NCOA7: variants seen among roughly 807,000 people sequenced by gnomAD.
NCOA7 encodes the protein nuclear receptor coactivator 7.
In NCOA7, 45 loss-of-function variants were observed where a neutral mutation model predicts 104.3. That is an observed-to-expected ratio of 0.43 (90% CI 0.34 to 0.55). The LOEUF is 0.55. Ranked by LOEUF, NCOA7 falls within the 20% of genes least tolerant of loss-of-function variation. NCOA7 has a pLI of 0.02. For synonymous variants in NCOA7, 398 were observed against 402.3 expected (o/e 0.99, Z 0.13); for missense variants, 1,041 against 1,119.7 (o/e 0.93, Z 1.00).
At position 125,826,649 on chromosome 6, in the gene NCOA7, A is replaced by G. The variant is rs116176069; in HGVS notation, c.50+11245A>G. ...AGAGAGACCTTATGTGCCTGTGCCT[A>G]TTAAGCCCAGACGGTAGATTGGTAA... On this transcript the variant is annotated intron_variant, in intron 2 of 15. Coordinates refer to ENST00000392477, the MANE Select transcript of NCOA7 (RefSeq NM_181782.5). Among the ~76,000 whole-genome samples, 168 of 152,332 alleles carry G rather than the reference A, an allele frequency of 1.1e-3. 1 individual carries two copies. Among genetic ancestry groups the G allele is most frequent in the African/African-American group, 4.0e-3 (167 of 41,570 alleles).
At chr6:125,896,010 T>A (rs909597689) in intron 10 of NCOA7, among the ~76,000 whole-genome samples, 9 of 147,760 alleles carry the variant, frequency 6.1e-5, no homozygotes, top group African/African-American at 1.5e-4. Context: ...TATATATATA[T>A]AAAATATATA....
intron 2 of NCOA7, among the ~76,000 whole-genome samples, chr6:125,836,019 A>T (rs1304963802): frequency 1.3e-5 from 2 of 152,190 alleles, no homozygotes; most frequent in Non-Finnish European, 2.9e-5. Flanking sequence ...CCTACTTGAG[A>T]TTCTATGATT....
At chr6:125,927,354 T>C (rs1788122523) in intron 13 of NCOA7, among the ~76,000 whole-genome samples, 1 of 152,188 alleles carries the variant, frequency 6.6e-6, no homozygotes, top group African/African-American at 2.4e-5. Context: ...TAACAGAAAT[T>C]TGTCTCCATA....
chr6:125,915,251 T>C, intron 10 of NCOA7, 82 bp from the exon 11 acceptor site: 1 of 1,500,364 alleles, frequency 6.7e-7, no homozygotes, highest in Non-Finnish European at 9.1e-7. Context: ...AGGGAAAAGA[T>C]GGTTTATGTA....
chr6:125,924,180 C>T (rs899491973), intron 13 of NCOA7, among the ~76,000 whole-genome samples: 3 of 152,204 alleles, frequency 2.0e-5, no homozygotes, highest in Non-Finnish European at 1.5e-5. Flanking sequence ...TCTTAGAGCA[C>T]ACATACAGAC....
chr6:125,858,538 G>T (rs963182982), intron 3 of NCOA7, among the ~76,000 whole-genome samples: 1 of 151,894 alleles, frequency 6.6e-6, no homozygotes, highest in Non-Finnish European at 1.5e-5. Flanking sequence ...TTGGGATGCT[G>T]AGGTGAGAGA....
intron 10 of NCOA7, 41 bp from the exon 11 acceptor site, chr6:125,915,292 G>A (rs761701635): frequency 1.7e-5 from 27 of 1,608,208 alleles, no homozygotes; most frequent in Non-Finnish European, 2.3e-5. Flanking sequence ...TGCCAAGAAA[G>A]TGGACATGGT....
At chr6:125,891,836 C>T (rs1285279626) in intron 10 of NCOA7, among the ~76,000 whole-genome samples, 9 of 152,158 alleles carry the variant, frequency 5.9e-5, no homozygotes, top group Non-Finnish European at 1.3e-4. Context: ...CACATTAACC[C>T]AGGCATTAAA....
At chr6:125,860,716 G>A (rs1160111701) in intron 3 of NCOA7, among the ~76,000 whole-genome samples, 1 of 152,142 alleles carries the variant, frequency 6.6e-6, no homozygotes. Flanking sequence ...TTGCTTCTAA[G>A]AATATGGAGA....
chr6:125,921,396 T>G (rs1365454613), intron 12 of NCOA7, among the ~76,000 whole-genome samples: 1 of 150,524 alleles, frequency 6.6e-6, no homozygotes, highest in East Asian at 2.0e-4. Context: ...CGCAACAGAG[T>G]GAGACTCTGT....
At chr6:125,812,054 G>T (rs1347933433) in intron 1 of NCOA7, among the ~76,000 whole-genome samples, 2 of 152,170 alleles carry the variant, frequency 1.3e-5, no homozygotes, top group African/African-American at 4.8e-5. Flanking sequence ...CAGTTTAATG[G>T]AAATAAGGAC....
At chr6:125,823,004 AT>A (rs1295340846) in intron 2 of NCOA7, among the ~76,000 whole-genome samples, 13 of 143,574 alleles carry the variant, frequency 9.1e-5, no homozygotes, top group East Asian at 4.3e-4. Flanking sequence ...GAAAAAAAAA[AT>A]TATATATGGG....
chr6:125,852,896 C>T lies in NCOA7; in HGVS notation c.51-2124C>T, dbSNP rs184895688. Among the ~76,000 whole-genome samples the T allele has an allele frequency of 2.3e-3, 357 of 152,142 alleles. 2 individuals are homozygous for T. Among genetic ancestry groups the T allele is most frequent in the Middle Eastern group, 6.8e-3 (2 of 294 alleles). ...GATTTATTCTTTTTGCTTAGGATTT[C>T]TTTGGCTATTTGGGCTCTTTTTTGG... On this transcript the variant is annotated intron_variant, in intron 2 of 15. Coordinates refer to ENST00000392477, the MANE Select transcript of NCOA7 (RefSeq NM_181782.5).
intron 4 of NCOA7, 192 bp downstream of exon 4, chr6:125,875,160 T>C (rs1022780354): frequency 6.1e-6 from 3 of 489,338 alleles, no homozygotes; most frequent in African/African-American, 3.9e-5. Flanking sequence ...AATAAACCAG[T>C]GAATTGAGAA....
intron 1 of NCOA7, among the ~76,000 whole-genome samples, chr6:125,785,121 T>C (rs2128537456): frequency 6.6e-6 from 1 of 152,248 alleles, no homozygotes; most frequent in Non-Finnish European, 1.5e-5. Context: ...GTGGATCGCC[T>C]GAGGTCAGGA....
chr6:125,822,843 G>C (rs1778308238), intron 2 of NCOA7, among the ~76,000 whole-genome samples: 1 of 151,314 alleles, frequency 6.6e-6, no homozygotes, highest in Non-Finnish European at 1.5e-5. Flanking sequence ...ACTGAAGCAA[G>C]AGAATCACTT....
At chr6:125,919,047 G>T (rs1337749829) in intron 11 of NCOA7, among the ~76,000 whole-genome samples, 1 of 151,832 alleles carries the variant, frequency 6.6e-6, no homozygotes, top group Admixed American at 6.6e-5. Flanking sequence ...AGAAGGAAAA[G>T]AAAAAAAATG....
chr6:125,845,573 A>C (rs1377939151), intron 2 of NCOA7, among the ~76,000 whole-genome samples: 1 of 152,170 alleles, frequency 6.6e-6, no homozygotes. Context: ...CAGGAAGTAG[A>C]GACCATCCTG....
chr6:125,839,966 A>G (rs1017820948), intron 2 of NCOA7, among the ~76,000 whole-genome samples: 8 of 146,092 alleles, frequency 5.5e-5, no homozygotes, highest in Non-Finnish European at 9.1e-5. Context: ...TCTGATTATT[A>G]AAAAAAAAAA....
Sources: gnomAD v4.1 joint callset for allele counts (sites outside exome capture counted in the v4.1 genomes callset) on GRCh38, gnomAD v4.1.1 for gene constraint, MANE v1.5 for transcripts, NCBI Gene and HGNC (gene_info 2026-07-23, HGNC 2026-07-21) for gene names.